CLSTN2: variants seen among roughly 807,000 people sequenced by gnomAD.
CLSTN2 encodes the protein calsyntenin-2.
A neutral mutation model predicts 101.2 loss-of-function variants in CLSTN2; 48 were observed. The ratio of observed to expected loss-of-function variants is 0.47; its 90% confidence interval spans 0.38 to 0.60. The LOEUF (loss-of-function observed/expected upper bound fraction) is 0.60. Among genes scored for constraint, CLSTN2 ranks in the 20% least tolerant of loss-of-function variants. The probability of loss-of-function intolerance (pLI) is 0.00; values close to 1 mark genes in which losing one functional copy is unlikely to be tolerated. For synonymous variants in CLSTN2, 481 were observed against 463.6 expected, an observed-to-expected ratio of 1.04 and a Z score of -0.48; for missense variants, 1,160 against 1,238.2, an observed-to-expected ratio of 0.94 and a Z score of 0.95.
At chr3:140,305,727 A>G (rs575711267) in intron 2 of CLSTN2, among the ~76,000 whole-genome samples, 1 of 152,310 alleles carries the variant, frequency 6.6e-6, no homozygotes, top group South Asian at 2.1e-4. Flanking sequence ...CTCTTGAAAA[A>G]TATTTTAAAG....
intron 2 of CLSTN2, among the ~76,000 whole-genome samples, chr3:140,403,395 C>CT (rs2088265516): frequency 1.3e-5 from 2 of 152,168 alleles, no homozygotes; most frequent in Admixed American, 1.3e-4. Flanking sequence ...ACACACATCA[C>CT]TTGAGGATCC....
Position 140,231,209 on chromosome 3 carries a change from T to C in CLSTN2, c.232+55136T>C, listed in dbSNP as rs116281658. On this transcript the variant is annotated intron_variant, in intron 2 of 16. Coordinates refer to ENST00000458420, the MANE Select transcript of CLSTN2 (RefSeq NM_022131.3). ...CTTTTAGGGGGCTCCCACTATCTCA[T>C]CATGTCACCCAAGAGCCCTTTCTAA... is the stretch of plus-strand genomic sequence containing the variant. 5.5e-3 allele frequency among the ~76,000 whole-genome samples: 830 copies of C among 152,128 alleles called. 6 individuals carry two copies. The highest frequency in any genetic ancestry group is 0.017 in the Middle Eastern group (5 of 294).
chr3:140,566,834 T>C lies in CLSTN2; in HGVS notation c.*581T>C, dbSNP rs1985271855. 3 of 153,692 alleles carry C rather than the reference T, an allele frequency of 2.0e-5. No homozygotes were observed. The South Asian group carries it at 6.1e-4, about 31-fold the overall frequency. 9.5% of individuals were successfully genotyped at this position (153,692 alleles called of 1,614,324 possible). A position where few individuals can be genotyped will look rare whatever the true frequency, so the allele number is the denominator to read the frequency against. On this transcript the variant is annotated 3_prime_UTR_variant, in exon 17 of 17. Transcript: ENST00000458420. ...TCTCTCTCTCTCTCTGTCTATCTAG[T>C]TCCCCAGCTTGGAGAGCCTTTCCCC...
At chr3:140,527,932 A>AGAG (rs905574706) in intron 8 of CLSTN2, among the ~76,000 whole-genome samples, 29 of 152,176 alleles carry the variant, frequency 1.9e-4, no homozygotes, top group Admixed American at 1.4e-3. Flanking sequence ...GGAGGGAAAG[A>AGAG]GAGGGGAATG....
chr3:140,054,696 A>G (rs1199694426), intron 1 of CLSTN2, among the ~76,000 whole-genome samples: 2 of 152,184 alleles, frequency 1.3e-5, no homozygotes, highest in African/African-American at 2.4e-5. Flanking sequence ...ACTGCATATG[A>G]GTTTGTAGGG....
At chr3:140,203,238 T>A (rs2010740685) in intron 2 of CLSTN2, among the ~76,000 whole-genome samples, 1 of 152,148 alleles carries the variant, frequency 6.6e-6, no homozygotes, top group Non-Finnish European at 1.5e-5. Flanking sequence ...TGAGAAAGGA[T>A]CATTGCATGT....
intron 1 of CLSTN2, among the ~76,000 whole-genome samples, chr3:140,060,773 A>G (rs1447625417): frequency 6.6e-6 from 1 of 152,234 alleles, no homozygotes; most frequent in African/African-American, 2.4e-5. Context: ...TGGGCAACAC[A>G]GGGACCCTTT....
rs1248245687 is a variant in CLSTN2 at position 140,404,587 on chromosome 3, T to C, written c.458T>C (p.Val153Ala). The C allele has an allele frequency of 1.9e-6, 3 of 1,614,188 alleles. No homozygotes were observed. In the South Asian group the frequency reaches 3.3e-5, roughly 18 times the overall value. Reference protein sequence around the residue: ...KAVVHIQVKDVNEFAPTFKEP... With the variant: ...KAVVHIQVKDANEFAPTFKEP... ...GTGGTCCATATACAGGTGAAGGATGTCAACGAGTTTGCTCCCACCTTCAAA... is the reference window on the plus strand; with the variant it reads ...GTGGTCCATATACAGGTGAAGGATGCCAACGAGTTTGCTCCCACCTTCAAA... The change falls in exon 4 of 17, where the codon GTC becomes GCC. Residue 153 changes from valine to alanine, a missense_variant. Val to Ala is a moderately conservative substitution (Grantham distance 64). Transcript: ENST00000458420.
intron 7 of CLSTN2, 93 bp downstream of exon 7, chr3:140,459,862 G>A: frequency 1.4e-6 from 2 of 1,444,102 alleles, no homozygotes; most frequent in Non-Finnish European, 1.9e-6. Context: ...CAAGGAGGAT[G>A]TGGAAGAAAA....
intron 2 of CLSTN2, among the ~76,000 whole-genome samples, chr3:140,217,753 A>G (rs910560431): frequency 6.6e-6 from 1 of 152,228 alleles, no homozygotes; most frequent in Non-Finnish European, 1.5e-5. Context: ...AAAGGGGGAC[A>G]TATTTGCCTT....
intron 6 of CLSTN2, among the ~76,000 whole-genome samples, chr3:140,456,526 C>T (rs976269539): frequency 2.0e-5 from 3 of 152,204 alleles, no homozygotes; most frequent in African/African-American, 7.2e-5. Context: ...AGGCGTAGTG[C>T]TCGTAATCCC....
At chr3:140,564,286 C>T in intron 16 of CLSTN2, 141 bp downstream of exon 16, 1 of 693,970 alleles carries the variant, frequency 1.4e-6, no homozygotes, top group South Asian at 1.8e-5. Flanking sequence ...CTGATTCTTC[C>T]TGTCTCTGAG....
chr3:140,287,945 T>C (rs961414043), intron 2 of CLSTN2, among the ~76,000 whole-genome samples: 5 of 152,138 alleles, frequency 3.3e-5, no homozygotes, highest in African/African-American at 1.2e-4. Flanking sequence ...CTTCAAAATC[T>C]CAGAAGACTA....
rs778476521 is a variant in CLSTN2, at chr3:140,459,623, A to G, written c.1076A>G (p.Asp359Gly). 1 of 1,614,094 alleles carries G rather than the reference A, an allele frequency of 6.2e-7. No individual in the cohort carries two copies. Among genetic ancestry groups the G allele is most frequent in the East Asian group, 2.2e-5 (1 of 44,868 alleles). Reference protein sequence around the residue: ...VDSSEMIFKFDGRQGAKVPDG... With the variant: ...VDSSEMIFKFGGRQGAKVPDG... ...AGCAGTGAGATGATCTTCAAGTTTG[A>G]CGGCAGGCAGGGTGCCAAAGTCCCC... is the stretch of plus-strand genomic sequence containing the variant. Residue 359 changes from aspartate (D) to glycine (G), a missense_variant, in exon 7 of 17, where the codon GAC becomes GGC. Asp to Gly is a moderately conservative substitution (Grantham distance 94, BLOSUM62 -1). Coordinates refer to ENST00000458420, the MANE Select transcript of CLSTN2 (RefSeq NM_022131.3).
chr3:140,373,745 G>C (rs1038743931), intron 2 of CLSTN2, among the ~76,000 whole-genome samples: 6 of 152,216 alleles, frequency 3.9e-5, no homozygotes, highest in African/African-American at 1.4e-4. Flanking sequence ...CTGTTGGTAA[G>C]TCAGGAAATG....
In CLSTN2 at chr3:140,564,034, G is replaced by A. The variant is rs775132124; in HGVS notation, c.2556G>A (p.Val852=). ...TTGTGTTTGTCGTGGCCATGGGTGT[G>A]TACCGGGTCCGGATCGCCCACCAGC... ...CMLVFVVAMG[V]YRVRIAHQHF... The change falls in exon 16 of 17, where the codon GTG becomes GTA. Residue 852 remains valine, a synonymous_variant. Transcript: ENST00000458420. 6 of 1,614,142 alleles carry A rather than the reference G, an allele frequency of 3.7e-6. No individual in the cohort carries two copies. The South Asian group carries it at 5.5e-5, about 15-fold the overall frequency.
intron 1 of CLSTN2, among the ~76,000 whole-genome samples, chr3:140,171,770 A>T (rs2010232105): frequency 1.0e-5 from 1 of 99,110 alleles, no homozygotes; most frequent in Non-Finnish European, 1.9e-5. Context: ...TATAATATAT[A>T]ATATGTATTA....
At position 140,550,238 on chromosome 3, in the gene CLSTN2, C is replaced by T. The variant is rs200424358; in HGVS notation, c.1674+3557C>T. ...GTCAACAATGGGAAGCCACTGAAGG[C>T]TCAGGCAAGGGATCATGATCTCAGC... On this transcript the variant is annotated intron_variant, in intron 10 of 16. Coordinates refer to ENST00000458420, the MANE Select transcript of CLSTN2 (RefSeq NM_022131.3). 2.0e-5 allele frequency among the ~76,000 whole-genome samples: 3 copies of T among 151,636 alleles called. No individual in the cohort carries two copies. In the East Asian group the frequency reaches 5.8e-4, roughly 29 times the overall value.
chr3:140,388,138 A>C (rs1400791354), intron 2 of CLSTN2, among the ~76,000 whole-genome samples: 1 of 152,258 alleles, frequency 6.6e-6, no homozygotes, highest in Admixed American at 6.5e-5. Flanking sequence ...AACCCACTAC[A>C]GGCTGTGTTG....
Sources: allele counts gnomAD v4.1 joint callset (sites outside exome capture counted in the v4.1 genomes callset), GRCh38; gene constraint gnomAD v4.1.1; transcripts MANE v1.5; gene names NCBI Gene and HGNC (gene_info 2026-07-23, HGNC 2026-07-21).